ZNF37A: variants seen among roughly 807,000 people sequenced by gnomAD.
ZNF37A encodes zinc finger protein 37A.
A neutral mutation model predicts 12.3 loss-of-function variants in ZNF37A; 10 were observed. The observed-to-expected ratio is 0.82, with a 90% confidence interval of 0.50 to 1.38. The LOEUF (loss-of-function observed/expected upper bound fraction) is 1.38, where lower values mean the gene tolerates loss of function less well. Ranked by LOEUF, ZNF37A falls within the 40% of genes most tolerant of loss-of-function variation. The probability of loss-of-function intolerance (pLI) is 0.00; values close to 1 mark genes in which losing one functional copy is unlikely to be tolerated. For synonymous variants in ZNF37A, 207 were observed against 223.0 expected (o/e 0.93, Z 0.64); for missense variants, 580 against 651.2 (o/e 0.89, Z 1.19).
At chr10:38,137,526 C>G (rs2070123049) in intron 7 of ZNF37A, 1 of 152,166 alleles carries the variant, frequency 6.6e-6, no homozygotes, top group Admixed American at 6.5e-5. Flanking sequence ...AGCCTACATG[C>G]CCACACCACA....
At chr10:38,128,678 C>T (rs2069963214), downstream of ZNF37A, among the ~76,000 whole-genome samples, 1 of 152,166 alleles carries the variant, frequency 6.6e-6, no homozygotes. Context: ...GAATCTGAGT[C>T]AGAGACAGTA....
At chr10:38,112,788 TTCTTTTCTTG>T (rs754849374) in intron 5 of ZNF37A, among the ~76,000 whole-genome samples, 4,515 of 110,370 alleles carry the variant, frequency 0.041, 424 homozygotes, top group Non-Finnish European at 0.058. Flanking sequence ...TTCTTTTCTT[TTCTTTTCTTG>T]TCTTGTCTTG....
At position 38,118,010 on chromosome 10, in the gene ZNF37A, A is replaced by T. The variant is rs756505965; in HGVS notation, c.859A>T (p.Thr287Ser). ...AACCTTCACCCAGAAGTCAGCCCAC[A>T]CAAGACATCAGAGAACACACACAGG... ...GKTFTQKSAH[T>S]RHQRTHTGGK... The change falls in exon 8 of 8, where the codon ACA (threonine) becomes TCA (serine). Residue 287 changes from threonine (T) to serine (S), a missense_variant. Thr to Ser is a moderately conservative substitution (Grantham distance 58). Transcript: ENST00000685332. The T allele has an allele frequency of 8.7e-6, 14 of 1,614,020 alleles. No homozygotes were observed. The Admixed American group carries it at 1.3e-4, about 15-fold the overall frequency.
At position 38,119,389 on chromosome 10, in the gene ZNF37A, A is replaced by G. The variant is rs2069554853; in HGVS notation, c.*552A>G. The G allele has an allele frequency of 5.0e-6, 5 of 992,490 alleles. No individual in the cohort carries two copies. The highest frequency in any genetic ancestry group is 6.0e-6 in the Non-Finnish European group (5 of 831,076). The allele number at this position is 992,490 out of a possible 1,614,324, so 61.5% of individuals were successfully genotyped here. A position where few individuals can be genotyped will look rare whatever the true frequency, so the allele number is the denominator to read the frequency against. On this transcript the variant is annotated 3_prime_UTR_variant, in exon 8 of 8. Transcript: ENST00000685332. ...CACAAACTGTAGGAAACTATAGGAA[A>G]GCATTTACTATGAGGTTATATTTTA...
intron 5 of ZNF37A, among the ~76,000 whole-genome samples, chr10:38,112,332 T>G (rs1365817703): frequency 1.3e-5 from 2 of 152,110 alleles, no homozygotes; most frequent in Non-Finnish European, 2.9e-5. Context: ...GCCAAGCTTC[T>G]CCTGTCCTAG....
chr10:38,112,768 T>TCATGG (rs1564932199), intron 5 of ZNF37A, among the ~76,000 whole-genome samples: 2 of 64,198 alleles, frequency 3.1e-5, no homozygotes, highest in Non-Finnish European at 6.8e-5. Context: ...TTCTTTTCTT[T>TCATGG]TCTTTTCTTT....
chr10:38,130,777 C>T (rs1230076371), intron 7 of ZNF37A, among the ~76,000 whole-genome samples: 1 of 152,140 alleles, frequency 6.6e-6, no homozygotes, highest in East Asian at 1.9e-4. Context: ...GCCCACCACG[C>T]TATTTTCAAC....
chr10:38,094,346 T>C lies in ZNF37A; in HGVS notation c.-636T>C, dbSNP rs1398017783. 7.8e-6 allele frequency: 1 copy of C among 127,796 alleles called. No homozygotes were observed. Among genetic ancestry groups the C allele is most frequent in the Non-Finnish European group, 1.7e-5 (1 of 57,512 alleles). The allele number at this position is 127,796 out of a possible 1,614,324, so 7.9% of individuals were successfully genotyped here. Reference sequence around the variant, plus strand: ...GCGCGAGGACTTGTGGGAGATGTAGTGTGCACTTTTCGGCCCCCGTCGCGG... The same window carrying C: ...GCGCGAGGACTTGTGGGAGATGTAGCGTGCACTTTTCGGCCCCCGTCGCGG... On this transcript the variant is annotated 5_prime_UTR_variant, in exon 1 of 8. Coordinates refer to ENST00000685332, the MANE Select transcript of ZNF37A (RefSeq NM_001324250.3).
At chr10:38,125,910 G>A (rs1167920755), downstream of ZNF37A, among the ~76,000 whole-genome samples, 2 of 152,104 alleles carry the variant, frequency 1.3e-5, no homozygotes, top group African/African-American at 4.8e-5. Flanking sequence ...CTCAGCTTTC[G>A]GTCATAGCAG....
At chr10:38,116,976 G>A (rs1286376919) in intron 7 of ZNF37A, 1 of 157,996 alleles carries the variant, frequency 6.3e-6, no homozygotes, top group Non-Finnish European at 1.4e-5. Flanking sequence ...AAGCATGGTT[G>A]CGTATGCCTG....
In ZNF37A at chr10:38,118,172, A is replaced by G; in HGVS notation, c.1021A>G (p.Thr341Ala). ...ECGKSFSEKSTLTQHQRTHTG... is the reference protein window; with the variant it reads ...ECGKSFSEKSALTQHQRTHTG... ...TGGGAAATCCTTCAGTGAAAAGTCA[A>G]CCCTTACTCAACATCAAAGAACGCA... is the stretch of plus-strand genomic sequence containing the variant. The change falls in exon 8 of 8, where the codon ACC (threonine) becomes GCC (alanine). Residue 341 changes from threonine to alanine, a missense_variant. Thr to Ala is a moderately conservative substitution (Grantham distance 58). Transcript: ENST00000685332. The G allele has an allele frequency of 1.2e-6, 2 of 1,613,846 alleles. No homozygotes were observed. Among genetic ancestry groups the G allele is most frequent in the Non-Finnish European group, 1.7e-6 (2 of 1,179,912 alleles).
intron 5 of ZNF37A, among the ~76,000 whole-genome samples, chr10:38,096,844 A>C (rs1447133857): frequency 6.6e-6 from 1 of 152,132 alleles, no homozygotes; most frequent in Non-Finnish European, 1.5e-5. Context: ...CTGAGGGAAA[A>C]AAAACAAGAA....
At chr10:38,110,435 C>G (rs1468457965) in intron 5 of ZNF37A, among the ~76,000 whole-genome samples, 1 of 152,144 alleles carries the variant, frequency 6.6e-6, no homozygotes, top group African/African-American at 2.4e-5. Context: ...GGCAAAACTT[C>G]ATGACTAAAA....
At chr10:38,096,788 T>C (rs2067188480) in intron 5 of ZNF37A, among the ~76,000 whole-genome samples, 156 bp downstream of exon 5, 1 of 152,252 alleles carries the variant, frequency 6.6e-6, no homozygotes, top group Non-Finnish European at 1.5e-5. Context: ...GCCGCATGTT[T>C]TTTTATGGTC....
intron 5 of ZNF37A, among the ~76,000 whole-genome samples, chr10:38,104,836 A>C (rs1314133215): frequency 6.6e-6 from 1 of 152,236 alleles, no homozygotes; most frequent in South Asian, 2.1e-4. Context: ...CTGTCTATAC[A>C]TATTTTTTAA....
At chr10:38,110,395 C>T (rs1290090537) in intron 5 of ZNF37A, among the ~76,000 whole-genome samples, 1 of 152,128 alleles carries the variant, frequency 6.6e-6, no homozygotes, top group Non-Finnish European at 1.5e-5. Context: ...AGAGGAAAAC[C>T]TAGGCAATAT....
chr10:38,128,071 T>C (rs2069954563), downstream of ZNF37A, among the ~76,000 whole-genome samples: 2 of 152,046 alleles, frequency 1.3e-5, no homozygotes, highest in South Asian at 2.1e-4. Context: ...GGGGAAAAAA[T>C]GTAAGATCTA....
At chr10:38,107,916 A>C (rs1370088914) in intron 5 of ZNF37A, among the ~76,000 whole-genome samples, 1 of 152,176 alleles carries the variant, frequency 6.6e-6, no homozygotes, top group African/African-American at 2.4e-5. Flanking sequence ...AGACTTTAAC[A>C]ACCCACTGTC....
At chr10:38,145,964 G>A (rs549518178) in intron 7 of ZNF37A, among the ~76,000 whole-genome samples, 177 of 152,240 alleles carry the variant, frequency 1.2e-3, no homozygotes, top group South Asian at 5.0e-3. Flanking sequence ...GCCAGGCGTG[G>A]TGGTGGGCAC....
Sources: gnomAD v4.1 joint callset for allele counts (sites outside exome capture counted in the v4.1 genomes callset) on GRCh38, gnomAD v4.1.1 for gene constraint, MANE v1.5 for transcripts, NCBI Gene and HGNC (gene_info 2026-07-23, HGNC 2026-07-21) for gene names.